The following TBL1XR1 variants were observed in gnomAD, a reference collection of about 807,000 sequenced individuals.
TBL1XR1 encodes TBL1X/Y related 1, also known as F-box-like/WD repeat-containing protein TBL1XR1.
In TBL1XR1, 5 loss-of-function variants were observed where a neutral mutation model predicts 66.9. That is an observed-to-expected ratio of 0.07 (90% CI 0.04 to 0.16). The LOEUF (loss-of-function observed/expected upper bound fraction) is 0.16. TBL1XR1 is among the 10% of genes least tolerant of loss of function. The pLI, the probability that TBL1XR1 is intolerant of heterozygous loss-of-function variation, is 1.00. For synonymous variants in TBL1XR1, 210 were observed against 206.0 expected (o/e 1.02, Z -0.17); for missense variants, 238 against 623.2 (o/e 0.38, Z 6.58).
intron 1 of TBL1XR1, among the ~76,000 whole-genome samples, chr3:177,140,886 A>C (rs1729553313): frequency 6.6e-6 from 1 of 152,202 alleles, no homozygotes; most frequent in Admixed American, 6.5e-5. Flanking sequence ...AAACATTATG[A>C]GATTTTTTTG....
intron 1 of TBL1XR1, among the ~76,000 whole-genome samples, chr3:177,115,874 C>T (rs1726244054): frequency 1.3e-5 from 2 of 152,188 alleles, no homozygotes; most frequent in Non-Finnish European, 2.9e-5. Context: ...CAGATAAATA[C>T]TTGCTTTCCT....
intron 1 of TBL1XR1, among the ~76,000 whole-genome samples, chr3:177,124,868 C>G (rs1316170931): frequency 1.3e-5 from 2 of 151,952 alleles, no homozygotes; most frequent in African/African-American, 4.8e-5. Context: ...GACAACTGAA[C>G]AGCTAAATGC....
intron 1 of TBL1XR1, among the ~76,000 whole-genome samples, chr3:177,188,916 T>A (rs556935612): frequency 6.6e-6 from 1 of 152,120 alleles, no homozygotes; most frequent in Admixed American, 6.5e-5. Context: ...ACATAAATAT[T>A]AAAAATTTTG....
Position 177,019,676 on chromosome 3 carries a change from C to A in TBL1XR1, c.*5822G>T, listed in dbSNP as rs908683836. 6.6e-6 allele frequency: 1 copy of A among 152,004 alleles called. No homozygotes were observed. The highest frequency in any genetic ancestry group is 1.5e-5 in the Non-Finnish European group (1 of 67,980). The allele number at this position is 152,004 out of a possible 1,614,324, so 9.4% of individuals were successfully genotyped here. A position where few individuals can be genotyped will look rare whatever the true frequency, so the allele number is the denominator to read the frequency against. ...ATTATACTAGGTAATAAATCTAATC[C>A]ATTGTAAAGTGTTAACTATGAAATT... is the stretch of plus-strand genomic sequence containing the variant. On this transcript the variant is annotated 3_prime_UTR_variant, in exon 16 of 16. Transcript: ENST00000457928.
At chr3:177,200,566 G>A (rs995513393), upstream of TBL1XR1, among the ~76,000 whole-genome samples, 1 of 152,134 alleles carries the variant, frequency 6.6e-6, no homozygotes, top group Non-Finnish European at 1.5e-5. Context: ...CACTGGGTGA[G>A]GAAAGGACAA....
chr3:177,083,769 T>G lies in TBL1XR1; in HGVS notation c.-46+14697A>C, dbSNP rs190096126. Among the ~76,000 whole-genome samples, 81 of 152,130 alleles carry G rather than the reference T, an allele frequency of 5.3e-4. No individual in the cohort carries two copies. The East Asian group carries it at 0.013, about 24-fold the overall frequency. On this transcript the variant is annotated intron_variant, in intron 2 of 15. Coordinates refer to ENST00000457928, the MANE Select transcript of TBL1XR1 (RefSeq NM_024665.7). ...CAACTTGCCCATCAAGTAATGGTTT[T>G]TTTTTGTTTTTGTTTTTGTTTTTTT...
intron 1 of TBL1XR1, among the ~76,000 whole-genome samples, chr3:177,134,969 G>GTGTGTGTGTGTGTGTGTGTC (rs146706429): frequency 0.053 from 5,048 of 95,214 alleles, 106 homozygotes; most frequent in Admixed American, 0.13. Context: ...GTGTGTGTCT[G>GTGTGTGTGTGTGTGTGTGTC]TGTGTGTGTC....
At position 177,030,161 on chromosome 3, in the gene TBL1XR1, C is replaced by G. The variant is rs73185579; in HGVS notation, c.1416+2810G>C. Among the ~76,000 whole-genome samples, 1,359 of 151,616 alleles carry G rather than the reference C, an allele frequency of 9.0e-3. 5 individuals are homozygous for G. The highest frequency in any genetic ancestry group is 0.015 in the Non-Finnish European group (990 of 67,918). On this transcript the variant is annotated intron_variant, in intron 14 of 15. Coordinates refer to ENST00000457928, the MANE Select transcript of TBL1XR1 (RefSeq NM_024665.7). ...AGAGAGAGAGAGAGACAGACACACA[C>G]AGAGAAGCGTTAGAGAAACTTTCAT...
At chr3:177,192,606 T>C (rs1248600773) in intron 1 of TBL1XR1, among the ~76,000 whole-genome samples, 1 of 152,114 alleles carries the variant, frequency 6.6e-6, no homozygotes, top group Non-Finnish European at 1.5e-5. Flanking sequence ...CAAGCTAAGT[T>C]TACTTCAAAT....
intron 13 of TBL1XR1, among the ~76,000 whole-genome samples, chr3:177,033,721 T>C (rs1463508289): frequency 6.6e-6 from 1 of 152,208 alleles, no homozygotes; most frequent in East Asian, 1.9e-4. Flanking sequence ...AAATGTGGTA[T>C]ACATACACCA....
chr3:177,055,256 A>G (rs552294482), intron 3 of TBL1XR1, among the ~76,000 whole-genome samples: 4 of 152,112 alleles, frequency 2.6e-5, no homozygotes, highest in African/African-American at 9.6e-5. Flanking sequence ...CTAGTAGAAA[A>G]TACTGTGGGC....
intron 1 of TBL1XR1, among the ~76,000 whole-genome samples, chr3:177,154,655 G>A (rs530007067): frequency 3.3e-5 from 5 of 151,942 alleles, no homozygotes; most frequent in East Asian, 1.9e-4. Flanking sequence ...TCAGCCTCCC[G>A]GAGTGCTAAG....
chr3:177,134,223 CG>C (rs1185544204), intron 1 of TBL1XR1, among the ~76,000 whole-genome samples: 4 of 152,174 alleles, frequency 2.6e-5, no homozygotes, highest in African/African-American at 7.2e-5. Context: ...CCATCTTTCC[CG>C]TTTTTTGCTT....
At chr3:177,092,052 G>T (rs774859766) in intron 2 of TBL1XR1, among the ~76,000 whole-genome samples, 4 of 152,140 alleles carry the variant, frequency 2.6e-5, no homozygotes, top group African/African-American at 9.7e-5. Flanking sequence ...TATCTAAAAC[G>T]ATTGGGACTA....
intron 2 of TBL1XR1, among the ~76,000 whole-genome samples, chr3:177,093,862 T>A (rs1156797657): frequency 6.6e-6 from 1 of 152,124 alleles, no homozygotes; most frequent in Non-Finnish European, 1.5e-5. Flanking sequence ...CCTGAAACCA[T>A]AAGAATTCCA....
chr3:177,175,857 G>A (rs1372643557), intron 1 of TBL1XR1, among the ~76,000 whole-genome samples: 4 of 151,932 alleles, frequency 2.6e-5, no homozygotes, highest in Non-Finnish European at 5.9e-5. Context: ...AGGAGATCGA[G>A]ACCATCCTGA....
intron 14 of TBL1XR1, among the ~76,000 whole-genome samples, chr3:177,029,089 A>AT (rs1434067631): frequency 1.3e-5 from 2 of 151,846 alleles, no homozygotes; most frequent in Non-Finnish European, 2.9e-5. Flanking sequence ...GACCTCAGTG[A>AT]TATCTATAAG....
intron 14 of TBL1XR1, 195 bp downstream of exon 14, chr3:177,032,776 C>A: frequency 2.4e-6 from 1 of 425,384 alleles, no homozygotes; most frequent in Non-Finnish European, 4.0e-6. Context: ...AATAATAAAA[C>A]AAATGATCAA....
At chr3:177,055,942 T>G (rs532751126) in intron 3 of TBL1XR1, among the ~76,000 whole-genome samples, 42 of 152,302 alleles carry the variant, frequency 2.8e-4, no homozygotes, top group African/African-American at 9.9e-4. Flanking sequence ...AAATCACAAC[T>G]AATAAATGAG....
Sources: allele counts gnomAD v4.1 joint callset (sites outside exome capture counted in the v4.1 genomes callset), GRCh38; gene constraint gnomAD v4.1.1; transcripts MANE v1.5; gene names NCBI Gene and HGNC (gene_info 2026-07-23, HGNC 2026-07-21).